The following ANXA9 variants were observed in gnomAD, a reference collection of about 807,000 sequenced individuals.
ANXA9 encodes annexin 31.
Under a neutral mutation model 51.8 loss-of-function variants are expected in ANXA9, and 47 were observed. The ratio of observed to expected loss-of-function variants is 0.91; its 90% CI spans 0.72 to 1.16. The LOEUF (loss-of-function observed/expected upper bound fraction) is 1.16. Ranked by LOEUF, ANXA9 falls within the 50% of genes most tolerant of loss-of-function variation. ANXA9 has a pLI of 0.00. For missense variants in ANXA9, 361 were observed against 424.7 expected (o/e 0.85, Z 1.32); for synonymous variants, 154 against 168.7 (o/e 0.91, Z 0.68).
At chr1:150,977,862 G>A (rs1242770224), upstream of ANXA9, among the ~76,000 whole-genome samples, 4 of 152,222 alleles carry the variant, frequency 2.6e-5, no homozygotes, top group Admixed American at 6.5e-5. Context: ...GGGACCAGGC[G>A]TGGTGGCTTA....
At chr1:150,992,065 C>G (rs1671716491) in intron 12 of ANXA9, among the ~76,000 whole-genome samples, 1 of 152,132 alleles carries the variant, frequency 6.6e-6, no homozygotes, top group South Asian at 2.1e-4. Flanking sequence ...CCGTGTCCAG[C>G]CTGTATTATT....
At chr1:150,980,980 G>C (rs1671406374), upstream of ANXA9, among the ~76,000 whole-genome samples, 1 of 152,026 alleles carries the variant, frequency 6.6e-6, no homozygotes. Flanking sequence ...TTCTTTAGTG[G>C]ACACATTACT....
At chr1:150,987,650 C>T (rs1003864327) in intron 9 of ANXA9, among the ~76,000 whole-genome samples, 1 of 151,368 alleles carries the variant, frequency 6.6e-6, no homozygotes, top group South Asian at 2.1e-4. Context: ...ATCACTTGAA[C>T]CTGGGAGGCA....
rs747931802 is a variant in ANXA9, at chr1:150,986,389, C to T, written c.526C>T (p.Gln176Ter). 2.5e-6 allele frequency: 4 copies of T among 1,614,124 alleles called. No homozygotes were observed. The South Asian group carries it at 4.4e-5, about 18-fold the overall frequency. The change falls in exon 8 of 14, where the codon CAG (glutamine) becomes TAG (stop). Residue 176 changes from glutamine (Q) to a stop codon, truncating the protein, a stop_gained. Transcript: ENST00000368947. LOFTEE classifies it high-confidence loss of function. Reference sequence around the variant, plus strand: ...CACATCTGAGACCAGTGGCATCTTGCAGGACCTGCTGTTGGCCCTGGCCAA... The same window carrying T: ...CACATCTGAGACCAGTGGCATCTTGTAGGACCTGCTGTTGGCCCTGGCCAA... ...DITSETSGIL[Q>*]DLLLALAKGG...
chr1:150,978,740 C>A (rs758830663), upstream of ANXA9, among the ~76,000 whole-genome samples: 1 of 151,702 alleles, frequency 6.6e-6, no homozygotes, highest in Non-Finnish European at 1.5e-5. Context: ...CCGAGGTGGG[C>A]GGATCACAAG....
At chr1:150,984,499 TAGA>T (rs1671500291) in intron 6 of ANXA9, 84 bp from the exon 7 acceptor site, 2 of 1,528,730 alleles carry the variant, frequency 1.3e-6, no homozygotes, top group Non-Finnish European at 1.8e-6. Context: ...TATTGTTTCT[TAGA>T]AGGAGAAGCA....
At chr1:150,990,949 C>A (rs1462986776) in intron 12 of ANXA9, among the ~76,000 whole-genome samples, 2 of 152,046 alleles carry the variant, frequency 1.3e-5, no homozygotes, top group Non-Finnish European at 2.9e-5. Flanking sequence ...TCGAGACCAT[C>A]CTGGCTAACA....
At chr1:150,987,380 T>A (rs1449848259) in intron 9 of ANXA9, among the ~76,000 whole-genome samples, 25 of 138,646 alleles carry the variant, frequency 1.8e-4, no homozygotes, top group Admixed American at 5.1e-4. Context: ...TCTCTCTCTC[T>A]CACACACACA....
At chr1:150,987,447 G>T (rs185144291) in intron 9 of ANXA9, among the ~76,000 whole-genome samples, 167 of 151,436 alleles carry the variant, frequency 1.1e-3, no homozygotes, top group African/African-American at 4.0e-3. Context: ...AAACTTTCTG[G>T]CTGGTCGTGG....
chr1:150,979,928 G>A (rs1398800481), upstream of ANXA9, among the ~76,000 whole-genome samples: 3 of 152,156 alleles, frequency 2.0e-5, no homozygotes, highest in Non-Finnish European at 4.4e-5. Context: ...GTCTGTTGAT[G>A]ATGAGGAAAC....
chr1:150,987,908 A>C lies in ANXA9; in HGVS notation c.649A>C (p.Thr217Pro). Residue 217 changes from threonine to proline, a missense_variant, in exon 10 of 14, where the codon ACA becomes CCA. By Grantham distance (38) the Thr-to-Pro change is conservative. Transcript: ENST00000368947. Reference protein sequence around the residue: ...QRAEGPSREETWVPVFTQRNP... With the variant: ...QRAEGPSREEPWVPVFTQRNP... ...GGCAGAAGGACCTAGCAGAGAGGAA[A>C]CATGGGTCCCAGTCTTCACCCAGCG... is the stretch of plus-strand genomic sequence containing the variant. 4 of 1,614,110 alleles carry C rather than the reference A, an allele frequency of 2.5e-6. No homozygotes were observed. Among genetic ancestry groups the C allele is most frequent in the Non-Finnish European group, 3.4e-6 (4 of 1,180,018 alleles).
At chr1:150,986,841 C>A (rs980430878) in intron 9 of ANXA9, among the ~76,000 whole-genome samples, 180 bp downstream of exon 9, 6 of 152,230 alleles carry the variant, frequency 3.9e-5, no homozygotes, top group African/African-American at 1.2e-4. Context: ...ATAGCTGAAG[C>A]CTTTTCACTC....
At chr1:150,986,698 G>A in intron 9 of ANXA9, 37 bp downstream of exon 9, 1 of 1,545,512 alleles carries the variant, frequency 6.5e-7, no homozygotes, top group Non-Finnish European at 8.7e-7. Context: ...CAGCCGCCAT[G>A]CACATAAGAT....
upstream of ANXA9, chr1:150,982,163 G>A (rs587745902): frequency 6.6e-6 from 1 of 152,664 alleles, no homozygotes; most frequent in African/African-American, 2.4e-5. Context: ...GTGTCTGCAT[G>A]TGGGACTCTG....
At chr1:150,994,549 A>T in intron 12 of ANXA9, 28 bp from the exon 13 acceptor site, 1 of 1,611,626 alleles carries the variant, frequency 6.2e-7, no homozygotes. Context: ...CTCACTAACT[A>T]CCCCCCATCT....
At chr1:150,993,791 T>A (rs587595045) in intron 12 of ANXA9, among the ~76,000 whole-genome samples, 1 of 151,708 alleles carries the variant, frequency 6.6e-6, no homozygotes, top group East Asian at 1.9e-4. Context: ...CCCACCACCA[T>A]GCCTGGCTTA....
At chr1:150,989,986 T>C (rs1356760822) in intron 12 of ANXA9, among the ~76,000 whole-genome samples, 2 of 152,050 alleles carry the variant, frequency 1.3e-5, no homozygotes, top group Admixed American at 1.3e-4. Context: ...CCCACACTCT[T>C]GAGTGTAGAT....
At chr1:150,990,033 G>A (rs587596345) in intron 12 of ANXA9, among the ~76,000 whole-genome samples, 2 of 152,182 alleles carry the variant, frequency 1.3e-5, no homozygotes, top group South Asian at 4.2e-4. Context: ...CAGGGGCCAA[G>A]CATGGTGGCT....
chr1:150,984,550 C>T (rs377474629), intron 6 of ANXA9, 36 bp from the exon 7 acceptor site: 444 of 1,588,516 alleles, frequency 2.8e-4, no homozygotes, highest in Non-Finnish European at 3.5e-4. Context: ...CCTAATGACA[C>T]GGCCAGTCTG....
Sources: gnomAD v4.1 joint callset for allele counts (sites outside exome capture counted in the v4.1 genomes callset) on GRCh38, gnomAD v4.1.1 for gene constraint, MANE v1.5 for transcripts, NCBI Gene and HGNC (gene_info 2026-07-23, HGNC 2026-07-21) for gene names.